Variants in PDE7A observed in about 807,000 individuals in gnomAD.
PDE7A encodes high affinity 3',5'-cyclic-AMP phosphodiesterase 7A.
In PDE7A, 39 loss-of-function variants were observed where a neutral mutation model predicts 64.3. The observed-to-expected ratio is 0.61, with a 90% CI of 0.47 to 0.79. The LOEUF is 0.79. PDE7A is among the 30% of genes least tolerant of loss of function. PDE7A has a pLI of 0.00. For synonymous variants in PDE7A, 203 were observed against 206.8 expected, an observed-to-expected ratio of 0.98 and a Z score of 0.16; for missense variants, 470 against 582.8, an observed-to-expected ratio of 0.81 and a Z score of 1.99.
At chr8:65,759,744 A>G (rs1808404020) in intron 3 of PDE7A, among the ~76,000 whole-genome samples, 1 of 152,100 alleles carries the variant, frequency 6.6e-6, no homozygotes, top group Admixed American at 6.5e-5. Flanking sequence ...TTCTGGAATG[A>G]GACATCCCAA....
At chr8:65,797,852 A>G (rs1809879633) in intron 1 of PDE7A, among the ~76,000 whole-genome samples, 1 of 151,834 alleles carries the variant, frequency 6.6e-6, no homozygotes, top group East Asian at 1.9e-4. Context: ...TGCCATACAA[A>G]AAAATTAAAA....
chr8:65,813,201 A>G (rs1426779714), intron 1 of PDE7A, among the ~76,000 whole-genome samples: 1 of 152,250 alleles, frequency 6.6e-6, no homozygotes, highest in Admixed American at 6.5e-5. Context: ...GTAAATGCAC[A>G]TAGCTTCTGA....
chr8:65,790,402 G>A (rs1809668710), intron 1 of PDE7A, among the ~76,000 whole-genome samples: 1 of 152,178 alleles, frequency 6.6e-6, no homozygotes, highest in Non-Finnish European at 1.5e-5. Flanking sequence ...CCAGAGAAAG[G>A]TGAAGATGGC....
At chr8:65,812,869 G>C (rs544615985) in intron 1 of PDE7A, among the ~76,000 whole-genome samples, 1 of 152,290 alleles carries the variant, frequency 6.6e-6, no homozygotes, top group Admixed American at 6.5e-5. Context: ...CTCACTGCCA[G>C]TAAGGGTATG....
intron 2 of PDE7A, among the ~76,000 whole-genome samples, chr8:65,781,830 C>A (rs1020568180): frequency 4.6e-5 from 7 of 152,026 alleles, no homozygotes; most frequent in African/African-American, 1.7e-4. Context: ...TTAAGGACAG[C>A]GGAATCCTGA....
chr8:65,736,628 A>G (rs1178927164), intron 6 of PDE7A, among the ~76,000 whole-genome samples: 1 of 151,704 alleles, frequency 6.6e-6, no homozygotes, highest in Non-Finnish European at 1.5e-5. Flanking sequence ...GTGCACACCT[A>G]TATTCCTAGC....
chr8:65,799,889 C>CTATTTT (rs1474554955), intron 1 of PDE7A, among the ~76,000 whole-genome samples: 1 of 152,220 alleles, frequency 6.6e-6, no homozygotes, highest in Non-Finnish European at 1.5e-5. Flanking sequence ...ACTATTCAAA[C>CTATTTT]TAAATAGCAG....
chr8:65,757,231 A>G (rs552316032), intron 3 of PDE7A, among the ~76,000 whole-genome samples: 16 of 152,172 alleles, frequency 1.1e-4, no homozygotes. Context: ...AGAAGGTCAG[A>G]GAAATTGTTT....
chr8:65,721,496 C>A (rs1806374225), intron 12 of PDE7A, among the ~76,000 whole-genome samples: 1 of 152,124 alleles, frequency 6.6e-6, no homozygotes, highest in African/African-American at 2.4e-5. Context: ...GCTCAAAGCA[C>A]CGGTCCCCTA....
rs555248712 is a variant in PDE7A, at chr8:65,823,777, G to A, written c.138+17594C>T. Among the ~76,000 whole-genome samples the A allele has an allele frequency of 1.4e-4, 21 of 152,126 alleles. No individual in the cohort carries two copies. In the East Asian group the frequency reaches 2.3e-3, roughly 17 times the overall value. The stretch of plus-strand genomic sequence containing the variant: ...TTGAAGACAAAAAGTTTACATGTGC[G>A]AGATTTATAAAATACTAAAAACTTT... On this transcript the variant is annotated intron_variant, in intron 1 of 12. Transcript: ENST00000401827.
rs1288028794 is a variant in PDE7A, at chr8:65,739,998, G to C, written c.500-401C>G. Among the ~76,000 whole-genome samples the C allele has an allele frequency of 3.3e-5, 5 of 152,242 alleles. No homozygotes were observed. The East Asian group carries it at 9.6e-4, about 29-fold the overall frequency. On this transcript the variant is annotated intron_variant, in intron 5 of 12. Transcript: ENST00000401827. ...CATCTTGCTTTCACTGAAACTGACT[G>C]CCCCAGAGCACACTTCCTTGGCTGC... is the stretch of plus-strand genomic sequence containing the variant.
intron 1 of PDE7A, among the ~76,000 whole-genome samples, chr8:65,795,948 G>GA (rs58027345): frequency 0.065 from 9,837 of 150,668 alleles, 385 homozygotes; most frequent in Middle Eastern, 0.11. Flanking sequence ...TGTACACAAT[G>GA]AAAAAAAAGA....
chr8:65,788,919 C>T, intron 1 of PDE7A: 1 of 1,613,316 alleles, frequency 6.2e-7, no homozygotes, highest in Non-Finnish European at 8.5e-7. Context: ...CAAGGCCAGA[C>T]ACCAGATCAA....
At chr8:65,738,339 A>C (rs563128820) in intron 6 of PDE7A, among the ~76,000 whole-genome samples, 1 of 152,236 alleles carries the variant, frequency 6.6e-6, no homozygotes. Flanking sequence ...AATGAGGGTC[A>C]GAAAATGAGA....
At chr8:65,737,799 G>A (rs553901644) in intron 6 of PDE7A, among the ~76,000 whole-genome samples, 12 of 152,282 alleles carry the variant, frequency 7.9e-5, no homozygotes, top group South Asian at 2.1e-4. Context: ...GATTACAGGC[G>A]TGAGCCACCA....
chr8:65,739,164 T>C (rs994262357), intron 6 of PDE7A, among the ~76,000 whole-genome samples: 2 of 152,246 alleles, frequency 1.3e-5, no homozygotes, highest in African/African-American at 2.4e-5. Flanking sequence ...AAATCTATTA[T>C]GGTGCCAAAC....
chr8:65,836,282 G>A lies in PDE7A; in HGVS notation c.138+5089C>T, dbSNP rs59075425. Among the ~76,000 whole-genome samples, 889 of 152,270 alleles carry A rather than the reference G, an allele frequency of 5.8e-3. 7 individuals are homozygous for A. Among genetic ancestry groups the A allele is most frequent in the African/African-American group, 0.019 (799 of 41,542 alleles). ...CACAAGAGCCCTTATAAACAAGCAC[G>A]GGATATGCAAATAAAATTTCACAAA... On this transcript the variant is annotated intron_variant, in intron 1 of 12. Transcript: ENST00000401827.
intron 1 of PDE7A, among the ~76,000 whole-genome samples, chr8:65,812,040 C>A (rs1324245544): frequency 2.0e-5 from 3 of 151,728 alleles, no homozygotes; most frequent in Non-Finnish European, 4.4e-5. Flanking sequence ...AACCCCATCT[C>A]TACAAAAAAT....
In PDE7A at chr8:65,719,381, C is replaced by G. The variant is rs1191890345; in HGVS notation, c.1358G>C (p.Gly453Ala). ...HVGLNKASWK[G>A]LQREQSSSED... ...ACTGCTCGACTGTTCTCTCTGCAGTCCCTTCCAGCTGGCTTTATTCAGCCC... is the reference window on the plus strand; with the variant it reads ...ACTGCTCGACTGTTCTCTCTGCAGTGCCTTCCAGCTGGCTTTATTCAGCCC... Residue 453 changes from glycine (G) to alanine (A), a missense_variant, in exon 13 of 13, where the codon GGA (glycine) becomes GCA (alanine). By Grantham distance (60) the Gly-to-Ala change is moderately conservative. Transcript: ENST00000401827. 9.9e-6 allele frequency: 16 copies of G among 1,613,942 alleles called. No individual in the cohort carries two copies. Among genetic ancestry groups the G allele is most frequent in the African/African-American group, 2.7e-5 (2 of 74,926 alleles).
Sources: gnomAD v4.1 joint callset for allele counts (sites outside exome capture counted in the v4.1 genomes callset) on GRCh38, gnomAD v4.1.1 for gene constraint, MANE v1.5 for transcripts, NCBI Gene and HGNC (gene_info 2026-07-23, HGNC 2026-07-21) for gene names.